The following IMMP2L variants were observed in gnomAD, a reference collection of about 807,000 sequenced individuals.
IMMP2L encodes the protein inner mitochondrial membrane peptidase subunit 2.
IMMP2L carries 18 observed loss-of-function variants against 19.3 expected under a neutral mutation model. The ratio of observed to expected loss-of-function variants is 0.93; its 90% CI spans 0.64 to 1.38. IMMP2L has a LOEUF of 1.38. Among genes scored for constraint, IMMP2L ranks in the 40% most tolerant of loss-of-function variants. The pLI is 0.00. For synonymous variants in IMMP2L, 76 were observed against 73.0 expected, an observed-to-expected ratio of 1.04 and a Z score of -0.21; for missense variants, 233 against 218.2, an observed-to-expected ratio of 1.07 and a Z score of -0.43.
intron 3 of IMMP2L, among the ~76,000 whole-genome samples, chr7:111,332,828 A>G (rs1237789698): frequency 6.6e-6 from 1 of 152,154 alleles, no homozygotes. Context: ...TCTAACCAAA[A>G]TTAAAATAAA....
chr7:110,890,386 T>C (rs1015897094), intron 4 of IMMP2L, among the ~76,000 whole-genome samples: 12 of 152,220 alleles, frequency 7.9e-5, no homozygotes, highest in Non-Finnish European at 7.3e-5. Context: ...CTCTTCGAGC[T>C]ATAGAAGAAC....
chr7:110,830,791 G>A (rs1000798842), intron 5 of IMMP2L, among the ~76,000 whole-genome samples: 2 of 151,822 alleles, frequency 1.3e-5, no homozygotes, highest in African/African-American at 4.8e-5. Context: ...ACCAGCTGTT[G>A]TTGAAATCAA....
chr7:110,915,735 TTGAA>T (rs1346681189), intron 4 of IMMP2L, among the ~76,000 whole-genome samples: 3 of 152,120 alleles, frequency 2.0e-5, no homozygotes, highest in Non-Finnish European at 4.4e-5. Context: ...ACTGTACACT[TTGAA>T]TGTACATAAC....
chr7:110,717,595 C>A (rs1241142698), intron 5 of IMMP2L, among the ~76,000 whole-genome samples: 9 of 152,182 alleles, frequency 5.9e-5, no homozygotes, highest in Non-Finnish European at 1.3e-4. Context: ...AGTACATGGC[C>A]ATTTGTTAAA....
At chr7:110,773,497 C>T (rs1799174311) in intron 5 of IMMP2L, among the ~76,000 whole-genome samples, 1 of 152,116 alleles carries the variant, frequency 6.6e-6, no homozygotes, top group Non-Finnish European at 1.5e-5. Flanking sequence ...TCAGTCATTA[C>T]GTATCAGGTG....
chr7:111,185,168 T>C (rs1375946124), intron 3 of IMMP2L, among the ~76,000 whole-genome samples: 7 of 152,182 alleles, frequency 4.6e-5, no homozygotes, highest in Non-Finnish European at 1.0e-4. Context: ...CTATGCCATA[T>C]GGCATTCCAC....
intron 3 of IMMP2L, among the ~76,000 whole-genome samples, chr7:111,385,164 G>C (rs1403780591): frequency 5.3e-5 from 8 of 152,034 alleles, no homozygotes; most frequent in South Asian, 4.2e-4. Context: ...AGGTGGAGGT[G>C]GGGGGGCAAG....
intron 3 of IMMP2L, among the ~76,000 whole-genome samples, chr7:111,075,740 C>A (rs530151202): frequency 6.6e-6 from 1 of 152,074 alleles, no homozygotes; most frequent in African/African-American, 2.4e-5. Flanking sequence ...TTTTTCCCCA[C>A]GTTGTCACAT....
chr7:111,445,796 C>T (rs1030306592), intron 3 of IMMP2L, among the ~76,000 whole-genome samples: 4 of 152,112 alleles, frequency 2.6e-5, no homozygotes, highest in East Asian at 1.9e-4. Context: ...TCTGAGGTAC[C>T]GGGTTCATCT....
intron 3 of IMMP2L, among the ~76,000 whole-genome samples, chr7:111,195,591 T>C (rs1809382865): frequency 6.6e-6 from 1 of 152,144 alleles, no homozygotes; most frequent in Non-Finnish European, 1.5e-5. Flanking sequence ...AATATGTACA[T>C]ATATTTTCAT....
intron 4 of IMMP2L, among the ~76,000 whole-genome samples, chr7:110,898,372 A>C (rs370130005): frequency 5.3e-5 from 8 of 152,240 alleles, no homozygotes; most frequent in African/African-American, 1.7e-4. Context: ...ACAGAGGATG[A>C]ATCAAGTTCA....
intron 3 of IMMP2L, chr7:111,411,473 G>C (rs1450902124): frequency 4.1e-6 from 2 of 485,582 alleles, no homozygotes; most frequent in East Asian, 1.2e-4. Flanking sequence ...CGAAGTCACG[G>C]GCAAGCACGG....
chr7:110,810,482 A>G (rs1562990453), intron 5 of IMMP2L, among the ~76,000 whole-genome samples: 1 of 152,076 alleles, frequency 6.6e-6, no homozygotes, highest in Admixed American at 6.6e-5. Flanking sequence ...GCCTAAGAAA[A>G]GAGCTGAATT....
At chr7:111,416,521 CCT>C (rs1379396178) in intron 3 of IMMP2L, among the ~76,000 whole-genome samples, 1 of 151,716 alleles carries the variant, frequency 6.6e-6, no homozygotes, top group East Asian at 1.9e-4. Flanking sequence ...ATCCACTTTC[CCT>C]CTGTCTTTGG....
rs1791888286 is a variant in IMMP2L, at chr7:110,671,093, G to T, written c.409-7372C>A. On this transcript the variant is annotated intron_variant, in intron 5 of 5. Transcript: ENST00000405709. The stretch of plus-strand genomic sequence containing the variant: ...CCTTGAGCAGATCATTGCATTTTCA[G>T]TATCTATTGAATGTGAAGATAAGTT... Among the ~76,000 whole-genome samples the T allele has an allele frequency of 2.0e-5, 3 of 152,272 alleles. No individual in the cohort carries two copies. In the South Asian group the frequency reaches 6.2e-4, roughly 32 times the overall value.
chr7:111,558,708 T>A (rs1791663472), intron 1 of IMMP2L, among the ~76,000 whole-genome samples: 1 of 152,076 alleles, frequency 6.6e-6, no homozygotes, highest in African/African-American at 2.4e-5. Context: ...TTGATTAGAG[T>A]CTACAGTACC....
chr7:110,968,442 G>A (rs189588617), intron 3 of IMMP2L, among the ~76,000 whole-genome samples: 2 of 152,218 alleles, frequency 1.3e-5, no homozygotes, highest in East Asian at 1.9e-4. Flanking sequence ...GAAGTATGAG[G>A]AGGATGGATG....
At chr7:111,228,566 G>A (rs1447077019) in intron 3 of IMMP2L, among the ~76,000 whole-genome samples, 2 of 152,042 alleles carry the variant, frequency 1.3e-5, no homozygotes, top group Non-Finnish European at 2.9e-5. Context: ...CATCTCTCAA[G>A]TGTGTGTTAG....
At chr7:111,142,335 A>AGAAAGAAAGAAAGAAAGAAAG (rs1562846896) in intron 3 of IMMP2L, among the ~76,000 whole-genome samples, 1 of 62,812 alleles carries the variant, frequency 1.6e-5, no homozygotes, top group African/African-American at 5.3e-5. Context: ...CAAAAAAAAA[A>AGAAAGAAAGAAAGAAAGAAAG]AAAAAAAAGA....
Sources: allele counts gnomAD v4.1 joint callset (sites outside exome capture counted in the v4.1 genomes callset), GRCh38; gene constraint gnomAD v4.1.1; transcripts MANE v1.5; gene names NCBI Gene and HGNC (gene_info 2026-07-23, HGNC 2026-07-21).